Variants in CDK14 observed in about 807,000 individuals in gnomAD.
CDK14 encodes cyclin-dependent kinase 14.
CDK14 carries 34 observed loss-of-function variants against 60.7 expected under a neutral mutation model. The observed-to-expected ratio is 0.56, with a 90% CI of 0.43 to 0.75. CDK14 has a LOEUF of 0.75. Among genes scored for constraint, CDK14 ranks in the 30% least tolerant of loss-of-function variants. The probability of loss-of-function intolerance (pLI) is 0.00; values close to 1 mark genes in which losing one functional copy is unlikely to be tolerated. For missense variants in CDK14, 482 were observed against 564.1 expected (o/e 0.85, Z 1.47); for synonymous variants, 197 against 203.7 (o/e 0.97, Z 0.28).
intron 9 of CDK14, among the ~76,000 whole-genome samples, chr7:90,958,006 T>A (rs946295694): frequency 7.2e-5 from 11 of 152,204 alleles, no homozygotes; most frequent in Non-Finnish European, 1.6e-4. Context: ...CCACTGTGTA[T>A]TCATATAATT....
At chr7:90,934,798 G>C (rs968904358) in intron 8 of CDK14, among the ~76,000 whole-genome samples, 1 of 152,172 alleles carries the variant, frequency 6.6e-6, no homozygotes, top group Non-Finnish European at 1.5e-5. Context: ...CACCAAATTT[G>C]TGGTTGTTTC....
At chr7:90,837,502 A>C (rs1790147751) in intron 5 of CDK14, among the ~76,000 whole-genome samples, 1 of 152,110 alleles carries the variant, frequency 6.6e-6, no homozygotes, top group Non-Finnish European at 1.5e-5. Context: ...GCAGAATGAT[A>C]AGCTTAGTGT....
chr7:91,031,084 A>C (rs894091209), intron 10 of CDK14, among the ~76,000 whole-genome samples: 13 of 152,230 alleles, frequency 8.5e-5, no homozygotes, highest in Non-Finnish European at 1.9e-4. Flanking sequence ...TGCATCAGCC[A>C]GTGGACTAAC....
chr7:90,964,290 G>T (rs991540249), intron 9 of CDK14, among the ~76,000 whole-genome samples: 1 of 152,130 alleles, frequency 6.6e-6, no homozygotes, highest in Non-Finnish European at 1.5e-5. Flanking sequence ...ACTCCATTTT[G>T]ATTGTGATAA....
intron 11 of CDK14, among the ~76,000 whole-genome samples, chr7:91,053,599 C>G (rs1271263411): frequency 6.6e-6 from 1 of 152,226 alleles, no homozygotes; most frequent in Non-Finnish European, 1.5e-5. Flanking sequence ...CCAAAATCTC[C>G]TCTGCAGATG....
chr7:91,003,029 G>A (rs906190888), intron 10 of CDK14, among the ~76,000 whole-genome samples: 3 of 152,072 alleles, frequency 2.0e-5, no homozygotes, highest in Non-Finnish European at 2.9e-5. Context: ...CCGAGATCAC[G>A]CCACTGCACT....
intron 2 of CDK14, among the ~76,000 whole-genome samples, chr7:90,618,335 C>T (rs868727366): frequency 9.2e-5 from 14 of 152,220 alleles, no homozygotes; most frequent in Non-Finnish European, 2.1e-4. Flanking sequence ...CTCTCTTTCT[C>T]TCCTTTTCCT....
intron 14 of CDK14, among the ~76,000 whole-genome samples, chr7:91,202,229 A>G (rs1174668049): frequency 6.6e-6 from 1 of 152,234 alleles, no homozygotes; most frequent in African/African-American, 2.4e-5. Flanking sequence ...GGGCGATCCA[A>G]TTAATTAATA....
intron 2 of CDK14, among the ~76,000 whole-genome samples, chr7:90,725,965 A>G (rs1437345821): frequency 2.6e-5 from 4 of 152,108 alleles, no homozygotes; most frequent in South Asian, 2.1e-4. Flanking sequence ...CTTTTTATCC[A>G]TTAGCTTTGA....
intron 10 of CDK14, among the ~76,000 whole-genome samples, chr7:91,005,337 A>G (rs995423349): frequency 4.6e-5 from 7 of 152,232 alleles, no homozygotes; most frequent in African/African-American, 1.7e-4. Context: ...TTCCTCGTTC[A>G]GGGTCCCTCC....
intron 11 of CDK14, among the ~76,000 whole-genome samples, chr7:91,066,212 G>A (rs999879015): frequency 1.3e-5 from 2 of 152,128 alleles, no homozygotes; most frequent in African/African-American, 4.8e-5. Context: ...GCATTTAGAT[G>A]TACTCATTTT....
intron 2 of CDK14, among the ~76,000 whole-genome samples, chr7:90,669,947 A>C (rs974990716): frequency 6.6e-6 from 1 of 152,246 alleles, no homozygotes; most frequent in Non-Finnish European, 1.5e-5. Context: ...AAAAGTCCTC[A>C]AAAAATATAA....
At chr7:90,978,978 A>T (rs1407951767) in intron 9 of CDK14, among the ~76,000 whole-genome samples, 1 of 152,168 alleles carries the variant, frequency 6.6e-6, no homozygotes, top group African/African-American at 2.4e-5. Flanking sequence ...CAAGTGGAGC[A>T]TAACATAGGT....
intron 10 of CDK14, among the ~76,000 whole-genome samples, chr7:91,021,788 T>A (rs1418136758): frequency 1.3e-5 from 2 of 152,210 alleles, no homozygotes; most frequent in African/African-American, 4.8e-5. Flanking sequence ...GAAACTTTCA[T>A]TGGTCACCAT....
chr7:90,726,485 C>CTTTCTAGAGTTATATATTGGCATGT, intron 2 of CDK14, 82 bp from the exon 3 acceptor site: 1 of 1,432,378 alleles, frequency 7.0e-7, no homozygotes, highest in East Asian at 2.3e-5. Flanking sequence ...AATTGGCATG[C>CTTTCTAGAGTTATATATTGGCATGT]TTTCTAGAGT....
At chr7:91,072,341 C>T (rs1798172662) in intron 11 of CDK14, among the ~76,000 whole-genome samples, 1 of 152,152 alleles carries the variant, frequency 6.6e-6, no homozygotes, top group Non-Finnish European at 1.5e-5. Flanking sequence ...GTTCTCCAGC[C>T]TCCTCAAGTT....
chr7:90,613,641 C>T (rs1346644856), intron 2 of CDK14, among the ~76,000 whole-genome samples: 7 of 151,912 alleles, frequency 4.6e-5, no homozygotes, highest in East Asian at 3.9e-4. Flanking sequence ...GAGCTGAGAT[C>T]GTGCCACTGC....
chr7:90,738,022 A>C (rs940341915), intron 3 of CDK14, among the ~76,000 whole-genome samples: 3 of 152,216 alleles, frequency 2.0e-5, no homozygotes, highest in Non-Finnish European at 2.9e-5. Context: ...ATTGCAGTTC[A>C]GACACCCATC....
intron 2 of CDK14, among the ~76,000 whole-genome samples, chr7:90,696,609 C>T (rs897712635): frequency 6.6e-6 from 1 of 151,948 alleles, no homozygotes; most frequent in Non-Finnish European, 1.5e-5. Context: ...TATTATGTAT[C>T]CTAAAGGATT....
Sources: allele counts gnomAD v4.1 joint callset (sites outside exome capture counted in the v4.1 genomes callset), GRCh38; gene constraint gnomAD v4.1.1; transcripts MANE v1.5; gene names NCBI Gene and HGNC (gene_info 2026-07-23, HGNC 2026-07-21).